Variants in NRXN1 observed in about 807,000 individuals in gnomAD.
NRXN1 encodes the protein neurexin 1.
In NRXN1, 39 loss-of-function variants were observed where a neutral mutation model predicts 150.9. The observed-to-expected ratio is 0.26, with a 90% CI of 0.20 to 0.34. The LOEUF is 0.34. NRXN1 is among the 10% of genes least tolerant of loss of function. The pLI, the probability that NRXN1 is intolerant of heterozygous loss-of-function variation, is 1.00. For missense variants in NRXN1, 1,815 were observed against 1,949.9 expected, an observed-to-expected ratio of 0.93 and a Z score of 1.30; for synonymous variants, 924 against 757.0, an observed-to-expected ratio of 1.22 and a Z score of -3.62.
chr2:50,620,435 T>C (rs941846957), intron 7 of NRXN1, among the ~76,000 whole-genome samples: 1 of 152,146 alleles, frequency 6.6e-6, no homozygotes, highest in Non-Finnish European at 1.5e-5. Context: ...GTTAACTGAT[T>C]ATTGAACTAG....
At chr2:50,544,455 C>A (rs538679191) in intron 9 of NRXN1, among the ~76,000 whole-genome samples, 2 of 152,036 alleles carry the variant, frequency 1.3e-5, no homozygotes, top group Admixed American at 6.6e-5. Context: ...GAAAACAAAA[C>A]AAAAATACCA....
chr2:50,215,007 G>A (rs1397366095), intron 18 of NRXN1, among the ~76,000 whole-genome samples: 1 of 151,938 alleles, frequency 6.6e-6, no homozygotes, highest in Non-Finnish European at 1.5e-5. Context: ...TACCTGAATT[G>A]TACATATCAC....
At chr2:49,940,697 C>CTTGGGCAGAA (rs1209037182) in intron 22 of NRXN1, among the ~76,000 whole-genome samples, 1 of 152,012 alleles carries the variant, frequency 6.6e-6, no homozygotes, top group Admixed American at 6.6e-5. Flanking sequence ...CCCAAAGAGC[C>CTTGGGCAGAA]ACCTTCATAT....
chr2:50,224,676 A>C (rs2064188166), intron 18 of NRXN1, among the ~76,000 whole-genome samples: 1 of 139,412 alleles, frequency 7.2e-6, no homozygotes, highest in Admixed American at 7.4e-5. Flanking sequence ...AAGATTAAAG[A>C]GAGAGAGAGA....
chr2:50,249,383 CACAA>C (rs2066825908), intron 17 of NRXN1, among the ~76,000 whole-genome samples: 1 of 151,816 alleles, frequency 6.6e-6, no homozygotes, highest in African/African-American at 2.4e-5. Flanking sequence ...GGCATTTTGA[CACAA>C]ACAAACAAAT....
chr2:50,513,995 T>C (rs1267026538), intron 12 of NRXN1, among the ~76,000 whole-genome samples: 1 of 152,198 alleles, frequency 6.6e-6, no homozygotes, highest in Non-Finnish European at 1.5e-5. Flanking sequence ...GTACCCTGCT[T>C]CTGGTATATA....
intron 5 of NRXN1, among the ~76,000 whole-genome samples, chr2:50,790,335 A>T (rs1028662216): frequency 6.6e-6 from 1 of 152,218 alleles, no homozygotes; most frequent in Non-Finnish European, 1.5e-5. Context: ...CATTAGAGAT[A>T]GATGACCATC....
At chr2:50,403,826 G>A (rs1047241446) in intron 17 of NRXN1, among the ~76,000 whole-genome samples, 1 of 152,016 alleles carries the variant, frequency 6.6e-6, no homozygotes, top group Non-Finnish European at 1.5e-5. Flanking sequence ...TTAGAAAATA[G>A]ACTCAAGTCT....
intron 5 of NRXN1, among the ~76,000 whole-genome samples, chr2:50,719,590 C>T (rs1574232674): frequency 6.6e-6 from 1 of 151,860 alleles, no homozygotes; most frequent in Non-Finnish European, 1.5e-5. Flanking sequence ...GCAGGAGAAT[C>T]GCTTGAACCG....
intron 2 of NRXN1, among the ~76,000 whole-genome samples, chr2:50,999,171 CAA>C (rs994237061): frequency 1.3e-5 from 2 of 152,072 alleles, no homozygotes; most frequent in Admixed American, 6.5e-5. Context: ...TAAGAGTTGA[CAA>C]AGAAAAGCAG....
intron 19 of NRXN1, among the ~76,000 whole-genome samples, chr2:50,080,099 G>A (rs1171244991): frequency 1.3e-5 from 2 of 152,026 alleles, no homozygotes; most frequent in African/African-American, 2.4e-5. Flanking sequence ...GTTTTCTAGT[G>A]TATCCACGTT....
intron 4 of NRXN1, among the ~76,000 whole-genome samples, chr2:50,922,251 C>T (rs1468857008): frequency 1.3e-5 from 2 of 151,798 alleles, no homozygotes; most frequent in Non-Finnish European, 2.9e-5. Context: ...AACTGTCATG[C>T]ATGGATGAAA....
rs77618023 is a variant in NRXN1 at position 50,688,922 on chromosome 2, C to A, written c.833-65307G>T. Among the ~76,000 whole-genome samples the A allele has an allele frequency of 8.1e-3, 1,235 of 152,246 alleles. 8 individuals carry two copies. The highest frequency in any genetic ancestry group is 0.012 in the Non-Finnish European group (839 of 68,008). ...CTTTCAGGTTTTTTGTTGCATCACA[C>A]TAAGCTATGCTTGCTTCCTCCGAAC... On this transcript the variant is annotated intron_variant, in intron 5 of 22. Coordinates refer to ENST00000401669, the MANE Select transcript of NRXN1 (RefSeq NM_001330078.2).
intron 8 of NRXN1, among the ~76,000 whole-genome samples, chr2:50,584,431 C>G (rs976231900): frequency 6.6e-6 from 1 of 152,156 alleles, no homozygotes; most frequent in African/African-American, 2.4e-5. Context: ...CTTTCCTTGG[C>G]TTGGAAACTG....
chr2:50,054,090 G>T (rs1693219448), intron 20 of NRXN1, among the ~76,000 whole-genome samples: 1 of 151,910 alleles, frequency 6.6e-6, no homozygotes. Context: ...TTTATTTTTT[G>T]AAGGCAATTA....
intron 2 of NRXN1, among the ~76,000 whole-genome samples, chr2:50,995,894 G>A (rs561426275): frequency 6.6e-6 from 1 of 151,994 alleles, no homozygotes; most frequent in Non-Finnish European, 1.5e-5. Context: ...ACTCTCTCAG[G>A]GTAGGGAGGG....
chr2:50,389,151 G>A (rs1360183806), intron 17 of NRXN1, among the ~76,000 whole-genome samples: 6 of 151,704 alleles, frequency 4.0e-5, no homozygotes, highest in African/African-American at 7.3e-5. Flanking sequence ...GACACAGAGC[G>A]AGGCCCTGTC....
chr2:49,943,627 A>G, intron 22 of NRXN1, 77 bp downstream of exon 22: 1 of 918,628 alleles, frequency 1.1e-6, no homozygotes. Flanking sequence ...ACATGAATAT[A>G]AGGCCCTTCT....
chr2:50,997,647 A>C (rs1366315777), intron 2 of NRXN1, among the ~76,000 whole-genome samples: 2 of 140,014 alleles, frequency 1.4e-5, no homozygotes, highest in Admixed American at 6.9e-5. Flanking sequence ...AGCTATGACT[A>C]CAGGTGCACA....
Sources: allele counts gnomAD v4.1 joint callset (sites outside exome capture counted in the v4.1 genomes callset), GRCh38; gene constraint gnomAD v4.1.1; transcripts MANE v1.5; gene names NCBI Gene and HGNC (gene_info 2026-07-23, HGNC 2026-07-21).